The following CRTAC1 variants were observed in gnomAD, a reference collection of about 807,000 sequenced individuals.
CRTAC1 encodes the protein acidic secreted protein in cartilage.
In CRTAC1, 37 loss-of-function variants were observed where a neutral mutation model predicts 67.8. The ratio of observed to expected loss-of-function variants is 0.55; its 90% CI spans 0.42 to 0.72. CRTAC1 has a LOEUF of 0.72. CRTAC1 is among the 30% of genes least tolerant of loss of function. The pLI is 0.00. For missense variants in CRTAC1, 780 were observed against 931.6 expected (o/e 0.84, Z 2.12); for synonymous variants, 348 against 371.0 (o/e 0.94, Z 0.71).
At chr10:97,909,305 C>T (rs151238542) in intron 5 of CRTAC1, among the ~76,000 whole-genome samples, 109 of 152,248 alleles carry the variant, frequency 7.2e-4, no homozygotes, top group Non-Finnish European at 1.4e-3. Context: ...CCCTCAGCCA[C>T]GCCCCCAAAC....
intron 11 of CRTAC1, among the ~76,000 whole-genome samples, chr10:97,886,899 C>A (rs1460559208): frequency 1.3e-5 from 2 of 151,896 alleles, no homozygotes; most frequent in African/African-American, 4.8e-5. Context: ...CCCACCTCAG[C>A]TTCTTAAAGT....
chr10:97,901,566 T>C lies in CRTAC1; in HGVS notation c.1070A>G (p.Gln357Arg). 6 of 1,614,178 alleles carry C rather than the reference T, an allele frequency of 3.7e-6. No homozygotes were observed. The highest frequency in any genetic ancestry group is 4.2e-6 in the Non-Finnish European group (5 of 1,180,016). Residue 357 changes from glutamine to arginine, a missense_variant, in exon 8 of 15, where the codon CAG becomes CGG. By Grantham distance (43) the Gln-to-Arg change is conservative (BLOSUM62 1). Transcript: ENST00000370597. ...TVITADFDND[Q>R]ELEIFFNNIA... is the part of the protein sequence containing the mutation. The stretch of plus-strand genomic sequence containing the variant: ...GTTGTTGAAGAAGATCTCCAGCTCC[T>C]GGTCATTGTCAAAGTCGGCGGTGAT...
chr10:97,884,973 AGCTCT>A (rs1388962468), intron 11 of CRTAC1, among the ~76,000 whole-genome samples: 1 of 152,214 alleles, frequency 6.6e-6, no homozygotes, highest in Non-Finnish European at 1.5e-5. Flanking sequence ...CTATTTATTG[AGCTCT>A]GCTAAGGGCC....
chr10:97,932,626 A>T (rs568726408), intron 3 of CRTAC1, among the ~76,000 whole-genome samples: 1 of 152,262 alleles, frequency 6.6e-6, no homozygotes, highest in East Asian at 1.9e-4. Flanking sequence ...CATCAGTGGG[A>T]AAAGCATTTC....
At chr10:97,910,048 TA>T (rs1249416070) in intron 5 of CRTAC1, among the ~76,000 whole-genome samples, 2 of 151,200 alleles carry the variant, frequency 1.3e-5, no homozygotes, top group Admixed American at 1.3e-4. Context: ...TACTAGGGGC[TA>T]GGGGTAGGGG....
intron 2 of CRTAC1, among the ~76,000 whole-genome samples, chr10:97,981,149 A>C (rs1357075934): frequency 6.6e-6 from 1 of 152,188 alleles, no homozygotes. Flanking sequence ...TGAAATGCTG[A>C]AAAAAATTCT....
intron 11 of CRTAC1, among the ~76,000 whole-genome samples, chr10:97,889,585 G>C (rs1328648399): frequency 1.3e-5 from 2 of 152,090 alleles, no homozygotes; most frequent in African/African-American, 2.4e-5. Context: ...ATGGACGGAG[G>C]TGGGGAGTAC....
chr10:97,898,062 G>A (rs2050485850), intron 8 of CRTAC1, among the ~76,000 whole-genome samples: 1 of 152,206 alleles, frequency 6.6e-6, no homozygotes, highest in Non-Finnish European at 1.5e-5. Context: ...TTGACCATAT[G>A]TGTCCTGCAG....
chr10:97,936,886 T>C (rs574699775), intron 2 of CRTAC1, among the ~76,000 whole-genome samples: 1 of 152,090 alleles, frequency 6.6e-6, no homozygotes, highest in Non-Finnish European at 1.5e-5. Flanking sequence ...GCCTAGGAAG[T>C]GTCAGGTGCT....
intron 1 of CRTAC1, among the ~76,000 whole-genome samples, chr10:98,018,750 G>A (rs145221583): frequency 6.6e-6 from 1 of 152,274 alleles, no homozygotes; most frequent in Non-Finnish European, 1.5e-5. Context: ...GCGACAAGCA[G>A]AGAATACACA....
chr10:98,017,953 T>C (rs1208705721), intron 1 of CRTAC1, among the ~76,000 whole-genome samples: 1 of 151,402 alleles, frequency 6.6e-6, no homozygotes, highest in Non-Finnish European at 1.5e-5. Context: ...TCCCAGCACT[T>C]TGGGAGGCCG....
chr10:98,026,063 G>A (rs1037288304), intron 1 of CRTAC1, among the ~76,000 whole-genome samples: 7 of 152,166 alleles, frequency 4.6e-5, no homozygotes, highest in African/African-American at 1.4e-4. Context: ...AAGAAGACTC[G>A]GGGGTTCCCA....
intron 6 of CRTAC1, 36 bp downstream of exon 6, chr10:97,907,977 G>T: frequency 6.2e-7 from 1 of 1,611,568 alleles, no homozygotes; most frequent in East Asian, 2.2e-5. Context: ...TGGGGTGAGG[G>T]GTCAGGGTGC....
At chr10:97,940,444 G>A (rs1367162960) in intron 2 of CRTAC1, among the ~76,000 whole-genome samples, 1 of 152,256 alleles carries the variant, frequency 6.6e-6, no homozygotes, top group Admixed American at 6.5e-5. Context: ...AAGAAGTGGG[G>A]CAAGGTCCCA....
intron 2 of CRTAC1, among the ~76,000 whole-genome samples, chr10:97,992,139 G>C (rs2038466611): frequency 6.6e-6 from 1 of 152,146 alleles, no homozygotes; most frequent in Non-Finnish European, 1.5e-5. Context: ...TGGGAGTTGG[G>C]GGAGTGCTGC....
intron 14 of CRTAC1, among the ~76,000 whole-genome samples, chr10:97,876,312 G>T (rs1332679957): frequency 1.3e-5 from 2 of 152,134 alleles, no homozygotes; most frequent in Non-Finnish European, 2.9e-5. Context: ...TTCCTCTTGA[G>T]ATTATTATGA....
At chr10:97,927,462 C>T (rs1396523064) in intron 3 of CRTAC1, among the ~76,000 whole-genome samples, 1 of 152,200 alleles carries the variant, frequency 6.6e-6, no homozygotes, top group South Asian at 2.1e-4. Flanking sequence ...TTGTAGACCA[C>T]CTCTTAGCAC....
intron 14 of CRTAC1, chr10:97,879,868 G>A: frequency 8.6e-7 from 1 of 1,167,018 alleles, no homozygotes; most frequent in Non-Finnish European, 1.2e-6. Flanking sequence ...GACGGGGTGG[G>A]GGTGGAGGAA....
intron 1 of CRTAC1, among the ~76,000 whole-genome samples, chr10:98,017,540 T>C (rs967314927): frequency 6.6e-6 from 1 of 152,020 alleles, no homozygotes; most frequent in African/African-American, 2.4e-5. Flanking sequence ...AATAATTTCT[T>C]TTCTGTTTTT....
Sources: allele counts gnomAD v4.1 joint callset (sites outside exome capture counted in the v4.1 genomes callset), GRCh38; gene constraint gnomAD v4.1.1; transcripts MANE v1.5; gene names NCBI Gene and HGNC (gene_info 2026-07-23, HGNC 2026-07-21).